The following SERINC3 variants were observed in gnomAD, a reference collection of about 807,000 sequenced individuals.
SERINC3 encodes the protein tumor differentially expressed protein 1.
In SERINC3, 22 loss-of-function variants were observed where a neutral mutation model predicts 52.1. That is an observed-to-expected ratio of 0.42 (90% CI 0.30 to 0.60). The LOEUF is 0.60. Among genes scored for constraint, SERINC3 ranks in the 20% least tolerant of loss-of-function variants. SERINC3 has a pLI of 0.16. For missense variants in SERINC3, 564 were observed against 584.6 expected (o/e 0.96, Z 0.36); for synonymous variants, 226 against 212.7 (o/e 1.06, Z -0.54).
At position 44,510,017 on chromosome 20, in the gene SERINC3, C is replaced by T. The variant is rs1201606839; in HGVS notation, c.487G>A (p.Val163Ile). The T allele has an allele frequency of 6.2e-7, 1 of 1,614,114 alleles. No individual in the cohort carries two copies. The highest frequency in any genetic ancestry group is 8.5e-7 in the Non-Finnish European group (1 of 1,179,960). Residue 163 changes from valine (V) to isoleucine (I), a missense_variant, in exon 5 of 10, where the codon GTT (valine) becomes ATT (isoleucine). Physicochemically the swap from Val to Ile is conservative, Grantham distance 29. Transcript: ENST00000342374. ...AAGAGGGCGGCCCCTATCATGCCAA[C>T]AACAAACCAGACTACAAGAACCAAG... ...GGYFSSVWFV[V>I]GMIGAALFIL...
intron 4 of SERINC3, among the ~76,000 whole-genome samples, chr20:44,511,021 T>C (rs2064344016): frequency 6.6e-6 from 1 of 151,940 alleles, no homozygotes; most frequent in South Asian, 2.1e-4. Context: ...TCAGGCAATT[T>C]TGCTGCCTCA....
Position 44,498,263 on chromosome 20 carries a change from A to C in SERINC3, c.*2033T>G, listed in dbSNP as rs1568782173. 6.6e-6 allele frequency: 1 copy of C among 152,228 alleles called. No individual in the cohort carries two copies. Among genetic ancestry groups the C allele is most frequent in the East Asian group, 1.9e-4 (1 of 5,200 alleles). The allele number at this position is 152,228 out of a possible 1,614,324, so 9.4% of individuals were successfully genotyped here. On this transcript the variant is annotated 3_prime_UTR_variant, in exon 10 of 10. Transcript: ENST00000342374. ...AATCTACCTCTCCTTCATATTATTC[A>C]TAACTGCCAGTGTTAAAATTCTAAT...
At chr20:44,505,372 C>G (rs1018009811) in intron 6 of SERINC3, among the ~76,000 whole-genome samples, 1 of 152,112 alleles carries the variant, frequency 6.6e-6, no homozygotes, top group African/African-American at 2.4e-5. Context: ...GTCACCCCGG[C>G]TGGAGTGCAG....
intron 7 of SERINC3, 117 bp from the exon 8 acceptor site, chr20:44,504,112 T>C: frequency 1.3e-6 from 1 of 785,814 alleles, no homozygotes; most frequent in Non-Finnish European, 1.9e-6. Flanking sequence ...AATGCTTTAC[T>C]TAAAAAATCT....
At chr20:44,509,750 G>A in intron 5 of SERINC3, 141 bp downstream of exon 5, 1 of 932,084 alleles carries the variant, frequency 1.1e-6, no homozygotes. Context: ...GACTGGTCTT[G>A]AACTCCTGGA....
At position 44,509,900 on chromosome 20, in the gene SERINC3, A is replaced by G. The variant is rs1470466894; in HGVS notation, c.604T>C (p.Trp202Arg). Reference protein sequence around the residue: ...NRMEEGNPRLWYAALLSFTSA... With the variant: ...NRMEEGNPRLRYAALLSFTSA... Reference sequence around the variant, plus strand: ...GAGTAGAGATACCTACCAGCATACCACAACCTTGGGTTTCCTTCTTCCATT... The same window carrying G: ...GAGTAGAGATACCTACCAGCATACCGCAACCTTGGGTTTCCTTCTTCCATT... The change falls in exon 5 of 10, where the codon TGG (tryptophan) becomes CGG (arginine). Residue 202 changes from tryptophan (W) to arginine (R), a missense_variant. Transcript: ENST00000342374. 1 of 1,614,040 alleles carries G rather than the reference A, an allele frequency of 6.2e-7. No individual in the cohort carries two copies. The highest frequency in any genetic ancestry group is 8.5e-7 in the Non-Finnish European group (1 of 1,180,018).
intron 8 of SERINC3, among the ~76,000 whole-genome samples, chr20:44,503,570 C>T (rs1490533322): frequency 2.6e-5 from 4 of 152,140 alleles, no homozygotes; most frequent in Non-Finnish European, 5.9e-5. Context: ...ACTGCTTGAA[C>T]CCAGGAGGTG....
chr20:44,496,702 G>A (rs1414571293), downstream of SERINC3, among the ~76,000 whole-genome samples: 1 of 152,172 alleles, frequency 6.6e-6, no homozygotes, highest in Non-Finnish European at 1.5e-5. Flanking sequence ...ACTGAGGCAG[G>A]AGAATTGCTT....
chr20:44,515,480 T>C (rs1301667803), intron 1 of SERINC3, among the ~76,000 whole-genome samples: 2 of 152,202 alleles, frequency 1.3e-5, no homozygotes, highest in Non-Finnish European at 2.9e-5. Flanking sequence ...TTAGTGCATT[T>C]ATATAATAAA....
chr20:44,497,140 T>C (rs1271480869), downstream of SERINC3, among the ~76,000 whole-genome samples: 1 of 152,182 alleles, frequency 6.6e-6, no homozygotes, highest in Non-Finnish European at 1.5e-5. Context: ...AGGCAAGCCC[T>C]TTCATAGTGA....
chr20:44,502,798 T>C (rs1330234858), intron 8 of SERINC3, among the ~76,000 whole-genome samples: 4 of 152,036 alleles, frequency 2.6e-5, no homozygotes, highest in East Asian at 3.9e-4. Context: ...GCTCTTACTA[T>C]CTTGCTCTGA....
intron 7 of SERINC3, 107 bp downstream of exon 7, chr20:44,504,694 T>C: frequency 2.2e-6 from 2 of 898,280 alleles, no homozygotes; most frequent in Non-Finnish European, 1.7e-6. Context: ...TTAAGTTTTG[T>C]TTGCTTGTTT....
intron 1 of SERINC3, among the ~76,000 whole-genome samples, chr20:44,516,461 C>T (rs1435513933): frequency 2.6e-5 from 4 of 151,914 alleles, no homozygotes; most frequent in African/African-American, 4.8e-5. Context: ...AACGCCATCT[C>T]GGCTCACTGC....
Position 44,501,297 on chromosome 20 carries a change from G to A in SERINC3, c.1059C>T (p.Ile353=). The change falls in exon 9 of 10, where the codon ATC becomes ATT. Residue 353 remains isoleucine, a synonymous_variant. Coordinates refer to ENST00000342374, the MANE Select transcript of SERINC3 (RefSeq NM_006811.4). ...CTACTTGGCTATTAGTGGAAGTGCG[G>A]ATGCTGGAAAGTGATCCCAAGGAAG... ...VFVLCLLYSS[I]RTSTNSQVDK... 1 of 1,613,766 alleles carries A rather than the reference G, an allele frequency of 6.2e-7. No homozygotes were observed. The highest frequency in any genetic ancestry group is 8.5e-7 in the Non-Finnish European group (1 of 1,179,808).
At chr20:44,504,289 A>G (rs961046514) in intron 7 of SERINC3, among the ~76,000 whole-genome samples, 2 of 152,254 alleles carry the variant, frequency 1.3e-5, no homozygotes, top group Non-Finnish European at 2.9e-5. Context: ...CAAGGTTTTA[A>G]GCACAGAAGT....
At chr20:44,512,725 G>A in intron 3 of SERINC3, 76 bp downstream of exon 3, 1 of 1,146,692 alleles carries the variant, frequency 8.7e-7, no homozygotes, top group Non-Finnish European at 1.2e-6. Flanking sequence ...GATTTCATCA[G>A]AATGGCTATA....
intron 8 of SERINC3, among the ~76,000 whole-genome samples, chr20:44,502,231 C>A (rs2123033128): frequency 6.6e-6 from 1 of 152,316 alleles, no homozygotes; most frequent in South Asian, 2.1e-4. Flanking sequence ...GGAATACATA[C>A]ACATGCAAAC....
rs1191331026 is a variant in SERINC3 at position 44,506,584 on chromosome 20, C to CAA, written c.783+241_783+242dup. Among the ~76,000 whole-genome samples the CAA allele has an allele frequency of 2.7e-3, 38 of 14,252 alleles. 1 individual carries two copies. Among genetic ancestry groups the CAA allele is most frequent in the East Asian group, 0.022 (9 of 404 alleles). 9.3% of individuals were successfully genotyped at this position (14,252 alleles called of 152,430 possible). ...TGGTTGACAGAGCGAGACTCCATCT[C>CAA]AAAAAAAAAAAAAAAAAAAAAAAAA... On this transcript the variant is annotated intron_variant, in intron 6 of 9. Coordinates refer to ENST00000342374, the MANE Select transcript of SERINC3 (RefSeq NM_006811.4).
chr20:44,518,592 A>C (rs1329954151), intron 1 of SERINC3, among the ~76,000 whole-genome samples: 1 of 152,156 alleles, frequency 6.6e-6, no homozygotes, highest in African/African-American at 2.4e-5. Flanking sequence ...TATTCTCCTA[A>C]AAAAACTTGT....
Sources: gnomAD v4.1 joint callset for allele counts (sites outside exome capture counted in the v4.1 genomes callset) on GRCh38, gnomAD v4.1.1 for gene constraint, MANE v1.5 for transcripts, NCBI Gene and HGNC (gene_info 2026-07-23, HGNC 2026-07-21) for gene names.